Variants in SPPL2A observed in about 807,000 individuals in gnomAD.
The protein encoded by SPPL2A is signal peptide peptidase-like 2A.
Under a neutral mutation model 63.8 loss-of-function variants are expected in SPPL2A, and 51 were observed. The ratio of observed to expected loss-of-function variants is 0.80; its 90% CI spans 0.64 to 1.01. The LOEUF is 1.01. SPPL2A is among the 50% of genes least tolerant of loss of function. The pLI is 0.00. For missense variants in SPPL2A, 553 were observed against 622.7 expected (o/e 0.89, Z 1.19); for synonymous variants, 188 against 205.8 (o/e 0.91, Z 0.74).
At chr15:50,713,208 G>A (rs1167882643) in intron 14 of SPPL2A, among the ~76,000 whole-genome samples, 3 of 151,448 alleles carry the variant, frequency 2.0e-5, no homozygotes, top group Admixed American at 6.6e-5. Flanking sequence ...TTTTGTAAAG[G>A]CATTATATTA....
intron 2 of SPPL2A, among the ~76,000 whole-genome samples, chr15:50,749,428 C>T (rs561611605): frequency 6.0e-4 from 92 of 152,272 alleles, no homozygotes; most frequent in Non-Finnish European, 1.1e-3. Context: ...GCTGGGACTA[C>T]AGGCGCCTGC....
At chr15:50,731,143 T>C (rs1468384122) in intron 9 of SPPL2A, 104 bp from the exon 10 acceptor site, 1 of 553,818 alleles carries the variant, frequency 1.8e-6, no homozygotes, top group South Asian at 2.2e-5. Context: ...TACATTTAAA[T>C]ATTACTTTTA....
chr15:50,723,029 C>T (rs941178674), intron 12 of SPPL2A, among the ~76,000 whole-genome samples: 1 of 152,088 alleles, frequency 6.6e-6, no homozygotes, highest in African/African-American at 2.4e-5. Flanking sequence ...CAATAGAAGA[C>T]ACATAAATAG....
At chr15:50,740,981 A>G (rs1369888040) in intron 5 of SPPL2A, among the ~76,000 whole-genome samples, 1 of 152,192 alleles carries the variant, frequency 6.6e-6, no homozygotes, top group Non-Finnish European at 1.5e-5. Flanking sequence ...GTCTATGCTC[A>G]TCAATGTATT....
In SPPL2A at chr15:50,720,110, G is replaced by C. The variant is rs2141024989; in HGVS notation, c.1328-10C>G. Reference sequence around the variant, plus strand: ...ATGCCAATAGCATAGGCTGCAAGAAGAATACCAAGCTATAAGTCATTTCTA... The same window carrying C: ...ATGCCAATAGCATAGGCTGCAAGAACAATACCAAGCTATAAGTCATTTCTA... On this transcript the variant is annotated splice_polypyrimidine_tract_variant and intron_variant, in intron 13 of 14. Transcript: ENST00000261854. 1 of 1,600,912 alleles carries C rather than the reference G, an allele frequency of 6.2e-7. No homozygotes were observed. Among genetic ancestry groups the C allele is most frequent in the Non-Finnish European group, 8.5e-7 (1 of 1,175,814 alleles).
chr15:50,735,071 A>G (rs932655809), intron 8 of SPPL2A, among the ~76,000 whole-genome samples: 1 of 151,006 alleles, frequency 6.6e-6, no homozygotes, highest in Non-Finnish European at 1.5e-5. Flanking sequence ...TGCCCGGCTA[A>G]TTCTGTATTT....
chr15:50,711,501 G>A (rs574409683), intron 14 of SPPL2A, among the ~76,000 whole-genome samples: 34 of 152,178 alleles, frequency 2.2e-4, no homozygotes, highest in African/African-American at 7.0e-4. Context: ...GTGAGCCACC[G>A]CGCCCAGGCC....
chr15:50,724,137 CT>C (rs1407396848), intron 12 of SPPL2A, among the ~76,000 whole-genome samples: 1 of 152,154 alleles, frequency 6.6e-6, no homozygotes. Flanking sequence ...TCAAGATTCA[CT>C]GAGCTAACAT....
chr15:50,762,303 G>A (rs1246744544), intron 1 of SPPL2A, among the ~76,000 whole-genome samples: 1 of 151,474 alleles, frequency 6.6e-6, no homozygotes, highest in Non-Finnish European at 1.5e-5. Flanking sequence ...AGGAGGTGGA[G>A]GCTGCAGTGA....
At chr15:50,756,691 G>C (rs12443283) in intron 1 of SPPL2A, among the ~76,000 whole-genome samples, 24,504 of 152,064 alleles carry the variant, frequency 0.16, 2,538 homozygotes, top group East Asian at 0.45. Flanking sequence ...TTTGAGATGA[G>C]CCTGGGCAAC....
At chr15:50,745,699 T>C (rs1167349588) in intron 5 of SPPL2A, among the ~76,000 whole-genome samples, 6 of 152,052 alleles carry the variant, frequency 3.9e-5, no homozygotes, top group African/African-American at 7.2e-5. Context: ...TAGAGGTGTG[T>C]GCTAATTTTG....
rs1056547952 is a variant in SPPL2A, at chr15:50,704,945, T to C, written c.*2855A>G. 6.6e-6 allele frequency: 1 copy of C among 152,236 alleles called. No individual in the cohort carries two copies. Among genetic ancestry groups the C allele is most frequent in the Non-Finnish European group, 1.5e-5 (1 of 68,050 alleles). 9.4% of individuals were successfully genotyped at this position (152,236 alleles called of 1,614,324 possible). ...GTATCAAGTAACTCGGATTTCAGAT[T>C]TCTGGATGTACCAGTTACTATGCTA... On this transcript the variant is annotated 3_prime_UTR_variant, in exon 15 of 15. Coordinates refer to ENST00000261854, the MANE Select transcript of SPPL2A (RefSeq NM_032802.4).
chr15:50,761,702 G>A (rs185426859), intron 1 of SPPL2A, among the ~76,000 whole-genome samples: 226 of 151,836 alleles, frequency 1.5e-3, no homozygotes, highest in African/African-American at 5.2e-3. Context: ...TTGGGAGGCC[G>A]AGGTGGGTGG....
chr15:50,736,907 G>GTTTT (rs35812835), intron 6 of SPPL2A, among the ~76,000 whole-genome samples, 167 bp from the exon 7 acceptor site: 4 of 150,496 alleles, frequency 2.7e-5, no homozygotes, highest in East Asian at 2.0e-4. Context: ...AGATCGTGAG[G>GTTTT]TTTTTTGTTT....
chr15:50,765,647 C>T lies in SPPL2A; in HGVS notation c.-114G>A, dbSNP rs2063054479. ...GTGGCCGGACCGGACCGGACAGGCG[C>T]GGGCGGCCGGGCTACGACTGGACCG... On this transcript the variant is annotated 5_prime_UTR_variant, in exon 1 of 15. Transcript: ENST00000261854. The T allele has an allele frequency of 9.3e-6, 6 of 642,422 alleles. No homozygotes were observed. The South Asian group carries it at 2.4e-4, about 26-fold the overall frequency. The allele number at this position is 642,422 out of a possible 1,614,324, so 39.8% of individuals were successfully genotyped here.
chr15:50,765,392 A>C (rs2063050388), intron 1 of SPPL2A, 76 bp downstream of exon 1: 1 of 1,166,768 alleles, frequency 8.6e-7, no homozygotes, highest in South Asian at 1.5e-5. Context: ...GGCGAGGAGT[A>C]GGGGAAGGGA....
intron 1 of SPPL2A, among the ~76,000 whole-genome samples, chr15:50,751,533 T>C (rs1263909380): frequency 3.3e-5 from 5 of 152,326 alleles, no homozygotes; most frequent in Non-Finnish European, 7.3e-5. Flanking sequence ...AAATAACACA[T>C]TAACATCATG....
At chr15:50,752,393 C>T (rs2062916008) in intron 1 of SPPL2A, among the ~76,000 whole-genome samples, 1 of 151,198 alleles carries the variant, frequency 6.6e-6, no homozygotes, top group Non-Finnish European at 1.5e-5. Flanking sequence ...ATCAGCATGG[C>T]CGATATGGCA....
chr15:50,750,466 GA>G (rs144431365), intron 1 of SPPL2A, among the ~76,000 whole-genome samples: 5 of 151,864 alleles, frequency 3.3e-5, no homozygotes, highest in Non-Finnish European at 5.9e-5. Flanking sequence ...AGGGTACAAA[GA>G]AAAAAAGTAC....
Sources: gnomAD v4.1 joint callset for allele counts (sites outside exome capture counted in the v4.1 genomes callset) on GRCh38, gnomAD v4.1.1 for gene constraint, MANE v1.5 for transcripts, NCBI Gene and HGNC (gene_info 2026-07-23, HGNC 2026-07-21) for gene names.